DHODH: variants seen among roughly 807,000 people sequenced by gnomAD.
The protein encoded by DHODH is dihydroorotate dehydrogenase (quinone).
In DHODH, 30 loss-of-function variants were observed where a neutral mutation model predicts 39.7. The ratio of observed to expected loss-of-function variants is 0.76; its 90% confidence interval spans 0.57 to 1.02. DHODH has a LOEUF of 1.02. Among genes scored for constraint, DHODH ranks in the 50% least tolerant of loss-of-function variants. DHODH has a pLI of 0.00. For synonymous variants in DHODH, 222 were observed against 213.8 expected, an observed-to-expected ratio of 1.04 and a Z score of -0.34; for missense variants, 531 against 520.8, an observed-to-expected ratio of 1.02 and a Z score of -0.19.
chr16:72,018,218 G>A (rs1387877558), intron 4 of DHODH, among the ~76,000 whole-genome samples: 2 of 152,170 alleles, frequency 1.3e-5, no homozygotes, highest in East Asian at 1.9e-4. Context: ...ATTGTGTGGG[G>A]TTGTGGCTCA....
intron 3 of DHODH, among the ~76,000 whole-genome samples, chr16:72,015,312 C>A: frequency 6.6e-6 from 1 of 152,360 alleles, no homozygotes; most frequent in East Asian, 1.9e-4. Context: ...TAGCCACATG[C>A]GGCCAGCAGG....
intron 3 of DHODH, 149 bp downstream of exon 3, chr16:72,014,821 A>G (rs538704510): frequency 3.6e-4 from 297 of 814,098 alleles, no homozygotes; most frequent in Middle Eastern, 1.4e-3. Flanking sequence ...TTCAGCATCT[A>G]CTATGTGCCC....
intron 2 of DHODH, among the ~76,000 whole-genome samples, chr16:72,012,972 A>G (rs2041101143): frequency 6.6e-6 from 1 of 152,176 alleles, no homozygotes; most frequent in South Asian, 2.1e-4. Flanking sequence ...AAGAGTCCCC[A>G]TCCTCATGGA....
rs770337889 is a variant in DHODH, at chr16:72,023,190, C to T, written c.845C>T (p.Thr282Met). Residue 282 changes from threonine to methionine, a missense_variant, in exon 7 of 9, where the codon ACG (threonine) becomes ATG (methionine). Thr to Met is a moderately conservative substitution (Grantham distance 81). Transcript: ENST00000219240. ...KELGIDGLIV[T>M]NTTVSRPAGL... ...TTGGGCATCGATGGGCTGATTGTTA[C>T]GAACACCACCGTGAGTCGCCCTGCG... 33 of 1,614,062 alleles carry T rather than the reference C, an allele frequency of 2.0e-5. No homozygotes were observed. The highest frequency in any genetic ancestry group is 8.0e-5 in the African/African-American group (6 of 74,922).
intron 6 of DHODH, among the ~76,000 whole-genome samples, chr16:72,022,905 G>GT (rs1017705058): frequency 6.6e-6 from 1 of 152,206 alleles, no homozygotes; most frequent in Non-Finnish European, 1.5e-5. Context: ...ACAAGACACT[G>GT]TAATTGGGTT....
chr16:72,014,240 G>A (rs2041114959), intron 2 of DHODH, among the ~76,000 whole-genome samples: 1 of 152,154 alleles, frequency 6.6e-6, no homozygotes, highest in South Asian at 2.1e-4. Flanking sequence ...ATAAAGCCCC[G>A]TGGTTTTCAA....
intron 1 of DHODH, among the ~76,000 whole-genome samples, chr16:72,010,157 C>T (rs556229796): frequency 1.3e-5 from 2 of 152,182 alleles, no homozygotes; most frequent in Admixed American, 6.5e-5. Context: ...TTATTTTGGC[C>T]AAGACTCCTG....
At position 72,027,004 on chromosome 16, in the gene DHODH, TGTG is replaced by T. The variant is rs771416500; in HGVS notation, c.*2806_*2808del. ...GTGTGTGTGTGTGTGTGTGTGTGTGTGTGTGTTTTTGAGATGGAGTCCTGCTCT... is the reference window on the plus strand; with the variant it reads ...GTGTGTGTGTGTGTGTGTGTGTGTGTTGTTTTTGAGATGGAGTCCTGCTCT... On this transcript the variant is annotated 3_prime_UTR_variant, in exon 9 of 9. Transcript: ENST00000219240. 569 of 57,824 alleles carry T rather than the reference TGTG, an allele frequency of 9.8e-3. 16 individuals carry two copies. Among genetic ancestry groups the T allele is most frequent in the African/African-American group, 0.025 (342 of 13,748 alleles). 3.6% of individuals were successfully genotyped at this position (57,824 alleles called of 1,614,324 possible). A position where few individuals can be genotyped will look rare whatever the true frequency, so the allele number is the denominator to read the frequency against.
intron 1 of DHODH, among the ~76,000 whole-genome samples, chr16:72,011,791 C>A (rs955201588): frequency 1.3e-5 from 2 of 152,170 alleles, no homozygotes; most frequent in Non-Finnish European, 2.9e-5. Flanking sequence ...GTGTCCACCA[C>A]GATCACCCTA....
At chr16:72,022,019 G>C (rs577016504) in intron 5 of DHODH, among the ~76,000 whole-genome samples, 2 of 151,452 alleles carry the variant, frequency 1.3e-5, no homozygotes, top group African/African-American at 4.9e-5. Flanking sequence ...CCTGAGCCCA[G>C]GGAGGTGCAG....
rs1443517346 is a variant in DHODH at position 72,012,197 on chromosome 16, C to G, written c.169C>G (p.Leu57Val). 6.2e-7 allele frequency: 1 copy of G among 1,614,160 alleles called. No individual in the cohort carries two copies. Among genetic ancestry groups the G allele is most frequent in the Non-Finnish European group, 8.5e-7 (1 of 1,180,022 alleles). Residue 57 changes from leucine (L) to valine (V), a missense_variant, in exon 2 of 9, where the codon CTG becomes GTG. Transcript: ENST00000219240. ...GCTGGACCCGGAGTCAGCCCACAGACTGGCTGTTCGCTTCACCTCCCTGGG... is the reference window on the plus strand; with the variant it reads ...GCTGGACCCGGAGTCAGCCCACAGAGTGGCTGTTCGCTTCACCTCCCTGGG... ...GLLDPESAHR[L>V]AVRFTSLGLL... is the part of the protein sequence containing the mutation.
intron 4 of DHODH, among the ~76,000 whole-genome samples, chr16:72,019,868 A>T (rs951698931): frequency 2.0e-5 from 3 of 152,252 alleles, no homozygotes; most frequent in African/African-American, 4.8e-5. Flanking sequence ...TTGGCCGGGC[A>T]TGGTGGCTCA....
At chr16:72,015,786 C>G in intron 3 of DHODH, 2 of 985,414 alleles carry the variant, frequency 2.0e-6, no homozygotes, top group Non-Finnish European at 2.4e-6. Flanking sequence ...CTTGGTGAAT[C>G]CTATAGGTGA....
chr16:72,022,430 C>T lies in DHODH; in HGVS notation c.774C>T (p.Asp258=). The T allele has an allele frequency of 6.4e-6, 10 of 1,557,352 alleles. No homozygotes were observed. The highest frequency in any genetic ancestry group is 8.7e-6 in the Non-Finnish European group (10 of 1,150,250). The stretch of plus-strand genomic sequence containing the variant: ...CAGTCCTGGTGAAGATCGCTCCTGA[C>T]CTCACCAGCCAGGATAAGGAGGACA... The part of the protein sequence containing the change: ...RPAVLVKIAP[D]LTSQDKEDIA... The change falls in exon 6 of 9, where the codon GAC becomes GAT. Residue 258 remains aspartate (D), a synonymous_variant. Transcript: ENST00000219240.
intron 1 of DHODH, chr16:72,009,159 T>C: frequency 8.9e-7 from 1 of 1,119,074 alleles, no homozygotes; most frequent in Non-Finnish European, 1.1e-6. Context: ...TAAAGTTTTG[T>C]TAGGGGCGGG....
chr16:72,009,063 T>G, intron 1 of DHODH: 1 of 1,392,442 alleles, frequency 7.2e-7, no homozygotes, highest in Non-Finnish European at 9.3e-7. Context: ...ACAGGGGTGC[T>G]TAGTGAACAC....
intron 5 of DHODH, among the ~76,000 whole-genome samples, chr16:72,021,863 G>C (rs901594874): frequency 6.6e-6 from 1 of 152,058 alleles, no homozygotes; most frequent in Admixed American, 6.6e-5. Context: ...CTTGGAGGCC[G>C]AGGCAGGCAG....
rs768332397 is a variant in DHODH, at chr16:72,023,317, A to G, written c.972A>G (p.Gln324=). ...QTIREMYALT[Q]GRVPIIGVGG... ...TTCGGGAGATGTATGCACTCACCCA[A>G]GGCAAGGTTTCCCGTGTTTGTGTCT... The change falls in exon 7 of 9, where the codon CAA becomes CAG. Residue 324 remains glutamine (Q), a splice_region_variant and synonymous_variant. Transcript: ENST00000219240. 6.2e-7 allele frequency: 1 copy of G among 1,614,174 alleles called. No individual in the cohort carries two copies. Among genetic ancestry groups the G allele is most frequent in the Non-Finnish European group, 8.5e-7 (1 of 1,180,050 alleles).
rs2041270665 is a variant in DHODH, at chr16:72,025,690, A to C, written c.*1491A>C. 1 of 152,334 alleles carries C rather than the reference A, an allele frequency of 6.6e-6. No individual in the cohort carries two copies. The highest frequency in any genetic ancestry group is 6.5e-5 in the Admixed American group (1 of 15,276). The allele number at this position is 152,334 out of a possible 1,614,324, so 9.4% of individuals were successfully genotyped here. On this transcript the variant is annotated 3_prime_UTR_variant, in exon 9 of 9. Coordinates refer to ENST00000219240, the MANE Select transcript of DHODH (RefSeq NM_001361.5). The stretch of plus-strand genomic sequence containing the variant: ...GCCAAGTTGCTCCTATCAGGTTTTC[A>C]AGCTGCCCATTTCCCACCGTGGAGA...
Sources: gnomAD v4.1 joint callset for allele counts (sites outside exome capture counted in the v4.1 genomes callset) on GRCh38, gnomAD v4.1.1 for gene constraint, MANE v1.5 for transcripts, NCBI Gene and HGNC (gene_info 2026-07-23, HGNC 2026-07-21) for gene names.